Variants in CFAP91 observed in about 807,000 individuals in gnomAD.
The protein encoded by CFAP91 is cilia- and flagella-associated protein 91.
In CFAP91, 85 loss-of-function variants were observed where a neutral mutation model predicts 95.9. The observed-to-expected ratio is 0.89, with a 90% CI of 0.74 to 1.06. CFAP91 has a LOEUF of 1.06. Ranked by LOEUF, CFAP91 falls within the 50% of genes least tolerant of loss-of-function variation. The pLI is 0.00. For missense variants in CFAP91, 962 were observed against 943.4 expected (o/e 1.02, Z -0.26); for synonymous variants, 335 against 327.5 (o/e 1.02, Z -0.25).
chr3:119,747,066 G>C, intron 14 of CFAP91, 49 bp from the exon 15 acceptor site: 1 of 1,413,362 alleles, frequency 7.1e-7, no homozygotes, highest in South Asian at 1.6e-5. Flanking sequence ...TTCTTGTGTT[G>C]TTTACAACAG....
chr3:119,730,219 G>T lies in CFAP91; in HGVS notation c.861-1G>T. 6.2e-7 allele frequency: 1 copy of T among 1,611,008 alleles called. No homozygotes were observed. Among genetic ancestry groups the T allele is most frequent in the Middle Eastern group, 1.7e-4 (1 of 6,052 alleles). On this transcript the variant is annotated splice_acceptor_variant, in intron 7 of 17. Transcript: ENST00000273390. LOFTEE classifies it high-confidence loss of function. ...CTTTATGTTTTGTAATTTACTTGAA[G>T]ACTGCAGGAGATTCGCCTGGAAGTT... is the stretch of plus-strand genomic sequence containing the variant.
In CFAP91 at chr3:119,733,301, A is replaced by G; in HGVS notation, c.1202-63A>G. The G allele has an allele frequency of 2.6e-6, 4 of 1,559,750 alleles. No homozygotes were observed. In the Admixed American group the frequency reaches 5.6e-5, roughly 22 times the overall value. Reference sequence around the variant, plus strand: ...TGGCAAACAGCTACAAAAGTTAACAATATACCTTAAAAATAATAAACGTAA... The same window carrying G: ...TGGCAAACAGCTACAAAAGTTAACAGTATACCTTAAAAATAATAAACGTAA... On this transcript the variant is annotated intron_variant, in intron 9 of 17. Coordinates refer to ENST00000273390, the MANE Select transcript of CFAP91 (RefSeq NM_033364.4).
At chr3:119,709,961 A>G in intron 5 of CFAP91, 66 bp downstream of exon 5, 1 of 1,256,358 alleles carries the variant, frequency 8.0e-7, no homozygotes, top group Non-Finnish European at 1.2e-6. Context: ...ATTTTTTCTT[A>G]GAAGATAGTT....
rs778324931 is a variant in CFAP91 at position 119,740,554 on chromosome 3, T to C, written c.1539T>C (p.Phe513=). Residue 513 remains phenylalanine (F), a synonymous_variant, in exon 13 of 18, where the codon TTT becomes TTC. Transcript: ENST00000273390. ...LRGRVVQNMM[F]EGKEKRLELI... The stretch of plus-strand genomic sequence containing the variant: ...TTTGATTTGATTTGATACAGATGTT[T>C]GAAGGGAAAGAAAAGCGACTGGAGT... The C allele has an allele frequency of 1.2e-5, 19 of 1,612,928 alleles. No homozygotes were observed. The highest frequency in any genetic ancestry group is 1.0e-5 in the Non-Finnish European group (12 of 1,179,666).
chr3:119,714,846 T>C (rs1389133579), intron 5 of CFAP91, among the ~76,000 whole-genome samples: 2 of 152,256 alleles, frequency 1.3e-5, no homozygotes, highest in Non-Finnish European at 2.9e-5. Flanking sequence ...TCTCCTTTTA[T>C]GGTTTCTGGC....
chr3:119,747,304 T>G, intron 15 of CFAP91, 41 bp downstream of exon 15: 1 of 1,579,230 alleles, frequency 6.3e-7, no homozygotes, highest in Non-Finnish European at 8.6e-7. Flanking sequence ...GACAGCCCAT[T>G]TGCTGGTACT....
chr3:119,705,405 T>C (rs575900979), intron 1 of CFAP91, among the ~76,000 whole-genome samples: 3 of 152,336 alleles, frequency 2.0e-5, no homozygotes, highest in South Asian at 2.1e-4. Flanking sequence ...TGGCCTCTTA[T>C]CTACTCTCTT....
At chr3:119,758,357 T>C (rs1345922724) in intron 17 of CFAP91, among the ~76,000 whole-genome samples, 1 of 152,198 alleles carries the variant, frequency 6.6e-6, no homozygotes, top group African/African-American at 2.4e-5. Context: ...AGTCCCTTCA[T>C]TGGCAACTAA....
intron 1 of CFAP91, among the ~76,000 whole-genome samples, chr3:119,705,605 A>C (rs985679170): frequency 2.0e-5 from 3 of 152,200 alleles, no homozygotes; most frequent in Admixed American, 6.5e-5. Context: ...CACCTTCTCA[A>C]GGGCCTGCCC....
chr3:119,717,559 T>TC (rs2053601146), intron 6 of CFAP91, among the ~76,000 whole-genome samples: 1 of 151,854 alleles, frequency 6.6e-6, no homozygotes. Flanking sequence ...GGTTTTTTTT[T>TC]TTTTTTTTTT....
chr3:119,743,261 G>T (rs1418347779), intron 13 of CFAP91, among the ~76,000 whole-genome samples: 2 of 151,892 alleles, frequency 1.3e-5, no homozygotes, highest in African/African-American at 2.4e-5. Flanking sequence ...GGGATTACAG[G>T]CACGCACCAC....
In CFAP91 at chr3:119,751,017, T is replaced by C; in HGVS notation, c.2224T>C (p.Leu742=). ...CACGGAAAGCATGGTTCAAAAGAAATTAACTGAGGGAGAGCAAGATGAGGC... is the reference window on the plus strand; with the variant it reads ...CACGGAAAGCATGGTTCAAAAGAAACTAACTGAGGGAGAGCAAGATGAGGC... ...SYTESMVQKK[L]TEGEQDEASN... Residue 742 remains leucine (L), a synonymous_variant, in exon 17 of 18, where the codon TTA becomes CTA. Transcript: ENST00000273390. The C allele has an allele frequency of 1.2e-6, 2 of 1,613,852 alleles. No individual in the cohort carries two copies. The highest frequency in any genetic ancestry group is 1.7e-6 in the Non-Finnish European group (2 of 1,179,874).
intron 6 of CFAP91, among the ~76,000 whole-genome samples, chr3:119,722,177 TA>T (rs569308101): frequency 0.036 from 3,295 of 91,192 alleles, 44 homozygotes; most frequent in East Asian, 0.1. Flanking sequence ...ACCCTGTCTC[TA>T]AAAAAAAAAA....
intron 4 of CFAP91, 68 bp from the exon 5 acceptor site, chr3:119,709,771 C>T: frequency 9.0e-7 from 1 of 1,115,396 alleles, no homozygotes; most frequent in Non-Finnish European, 1.4e-6. Flanking sequence ...AATATTAGAG[C>T]TGGAAGAGAG....
At position 119,726,240 on chromosome 3, in the gene CFAP91, A is replaced by G; in HGVS notation, c.752A>G (p.Glu251Gly). Residue 251 changes from glutamate to glycine, a missense_variant, in exon 7 of 18, where the codon GAA (glutamate) becomes GGA (glycine). Coordinates refer to ENST00000273390, the MANE Select transcript of CFAP91 (RefSeq NM_033364.4). ...IERAREKRAW[E>G]ASLPALSDTS... ...AGAGCCCGCGAGAAGCGTGCTTGGG[A>G]AGCCTCTCTCCCCGCTCTGAGTGAC... The G allele has an allele frequency of 6.2e-7, 1 of 1,613,832 alleles. No individual in the cohort carries two copies. Among genetic ancestry groups the G allele is most frequent in the Non-Finnish European group, 8.5e-7 (1 of 1,179,888 alleles).
chr3:119,719,825 G>C (rs1237611915), intron 6 of CFAP91, among the ~76,000 whole-genome samples: 1 of 152,190 alleles, frequency 6.6e-6, no homozygotes, highest in Non-Finnish European at 1.5e-5. Context: ...TAGAAAGGCT[G>C]GGCGTGGTGG....
intron 4 of CFAP91, among the ~76,000 whole-genome samples, chr3:119,709,485 T>C (rs537294785): frequency 1.3e-5 from 2 of 152,356 alleles, no homozygotes; most frequent in African/African-American, 2.4e-5. Flanking sequence ...CTTGAGAAGT[T>C]GTTGGGAACT....
chr3:119,726,115 T>TG (rs1298677680), intron 6 of CFAP91, 56 bp from the exon 7 acceptor site: 5 of 1,462,624 alleles, frequency 3.4e-6, no homozygotes, highest in African/African-American at 2.8e-5. Context: ...AATTATATAC[T>TG]GGGGGGTGCA....
In CFAP91 at chr3:119,707,460, T is replaced by G. The variant is rs9848716; in HGVS notation, c.258T>G (p.Tyr86Ter). 3.2e-6 allele frequency: 5 copies of G among 1,586,734 alleles called. No homozygotes were observed. The African/African-American group carries it at 5.4e-5, about 17-fold the overall frequency. Residue 86 changes from tyrosine to a stop codon, truncating the protein, a stop_gained, in exon 3 of 18, where the codon TAT becomes TAG. Coordinates refer to ENST00000273390, the MANE Select transcript of CFAP91 (RefSeq NM_033364.4). LOFTEE classifies it high-confidence loss of function. ...GTAACCTGATCCATTATCCAAGATA[T>G]TCTCTATATTGGAGCAAGTCAGATC... ...MFSNLIHYPR[Y>*]SLYWSKSDPV...
Sources: gnomAD v4.1 joint callset for allele counts (sites outside exome capture counted in the v4.1 genomes callset) on GRCh38, gnomAD v4.1.1 for gene constraint, MANE v1.5 for transcripts, NCBI Gene and HGNC (gene_info 2026-07-23, HGNC 2026-07-21) for gene names.